INPP5A: variants seen among roughly 807,000 people sequenced by gnomAD.
INPP5A encodes the protein 43 kDa inositol polyphosphate 5-phophatase.
INPP5A carries 14 observed loss-of-function variants against 65.2 expected under a neutral mutation model. That is an observed-to-expected ratio of 0.21 (90% CI 0.14 to 0.34). INPP5A has a LOEUF of 0.34. INPP5A is among the 10% of genes least tolerant of loss of function. The pLI is 1.00. For missense variants in INPP5A, 431 were observed against 545.6 expected (o/e 0.79, Z 2.09); for synonymous variants, 207 against 208.3 (o/e 0.99, Z 0.05).
At chr10:132,712,395 ATG>A (rs1032022812) in intron 8 of INPP5A, among the ~76,000 whole-genome samples, 11 of 150,740 alleles carry the variant, frequency 7.3e-5, no homozygotes, top group Admixed American at 2.0e-4. Context: ...TTGTGTGTGC[ATG>A]TGTGGGTGCA....
At position 132,756,132 on chromosome 10, in the gene INPP5A, G is replaced by A. The variant is rs542001672; in HGVS notation, c.903+6287G>A. Among the ~76,000 whole-genome samples the A allele has an allele frequency of 1.6e-4, 25 of 152,296 alleles. No homozygotes were observed. In the South Asian group the frequency reaches 4.1e-3, roughly 25 times the overall value. On this transcript the variant is annotated intron_variant, in intron 11 of 15. Transcript: ENST00000368594. ...GAATCCGCCTGGCCTGGAATTCCTC[G>A]GCCCGGTCAGGAATTGAAGAGAAAA... is the stretch of plus-strand genomic sequence containing the variant.
intron 4 of INPP5A, 61 bp from the exon 5 acceptor site, chr10:132,690,331 A>G: frequency 9.2e-7 from 1 of 1,082,316 alleles, no homozygotes; most frequent in Non-Finnish European, 1.4e-6. Context: ...ATTGTTAAAA[A>G]TGATCTTTAG....
At position 132,666,593 on chromosome 10, in the gene INPP5A, C is replaced by T. The variant is rs538805142; in HGVS notation, c.306+16088C>T. Among the ~76,000 whole-genome samples, 13 of 152,348 alleles carry T rather than the reference C, an allele frequency of 8.5e-5. No homozygotes were observed. The South Asian group carries it at 2.3e-3, about 27-fold the overall frequency. ...CGACTTTGCAGTGGGGCTCTCTTTC[C>T]TTCTGGAGTGCAGCAGCATCTGGAA... is the stretch of plus-strand genomic sequence containing the variant. On this transcript the variant is annotated intron_variant, in intron 4 of 15. Transcript: ENST00000368594.
In INPP5A at chr10:132,707,059, C is replaced by A. The variant is rs970836782; in HGVS notation, c.475-1254C>A. ...AGGGAGAGCCTCTGATCACTGCGCT[C>A]TCCGTGTTAGATAGAGGGAGCACGC... On this transcript the variant is annotated intron_variant, in intron 6 of 15. Transcript: ENST00000368594. The surrounding 1 kb of genome is among the most constrained non-coding windows in gnomAD (Gnocchi z 5.5). Among the ~76,000 whole-genome samples, 2 of 152,226 alleles carry A rather than the reference C, an allele frequency of 1.3e-5. No homozygotes were observed. Among genetic ancestry groups the A allele is most frequent in the Non-Finnish European group, 2.9e-5 (2 of 68,030 alleles).
intron 1 of INPP5A, among the ~76,000 whole-genome samples, chr10:132,548,333 C>T (rs866461703): frequency 6.6e-6 from 1 of 152,002 alleles, no homozygotes; most frequent in Non-Finnish European, 1.5e-5. Context: ...GTCAGTGGGG[C>T]CAGGGGAAGG....
In INPP5A at chr10:132,644,603, G is replaced by T. The variant is rs958369578; in HGVS notation, c.118-1265G>T. On this transcript the variant is annotated intron_variant, in intron 2 of 15. Transcript: ENST00000368594. The surrounding 1 kb of genome is among the most constrained non-coding windows in gnomAD (Gnocchi z 6.5). ...GTCGTGAGCACCTCCAGGCTCCCAA[G>T]CCCAGCACAGACAGCACCGGCCCCT... 6.6e-6 allele frequency among the ~76,000 whole-genome samples: 1 copy of T among 152,216 alleles called. No individual in the cohort carries two copies. The highest frequency in any genetic ancestry group is 2.4e-5 in the African/African-American group (1 of 41,454).
chr10:132,718,383 TG>T (rs1324136541), intron 8 of INPP5A, among the ~76,000 whole-genome samples: 1 of 151,472 alleles, frequency 6.6e-6, no homozygotes, highest in African/African-American at 2.4e-5. Flanking sequence ...GCCTGGGTTC[TG>T]TCTGGGCGCC....
At chr10:132,728,826 G>C (rs907813100) in intron 9 of INPP5A, among the ~76,000 whole-genome samples, 3 of 152,168 alleles carry the variant, frequency 2.0e-5, no homozygotes, top group Non-Finnish European at 4.4e-5. Context: ...GAGCAGCCGC[G>C]GGAGCCTCCC....
chr10:132,643,656 G>A (rs1044819165), intron 2 of INPP5A, among the ~76,000 whole-genome samples: 2 of 152,222 alleles, frequency 1.3e-5, no homozygotes, highest in East Asian at 1.9e-4. Context: ...AAAAGCATCA[G>A]CCTGGCCCAG....
At chr10:132,648,255 C>T (rs534734895) in intron 3 of INPP5A, among the ~76,000 whole-genome samples, 43 of 152,390 alleles carry the variant, frequency 2.8e-4, no homozygotes, top group Admixed American at 1.4e-3. Flanking sequence ...CACCGCAGGC[C>T]GGACGGGAAC....
intron 3 of INPP5A, among the ~76,000 whole-genome samples, chr10:132,647,003 C>T (rs1378363128): frequency 6.6e-6 from 1 of 152,218 alleles, no homozygotes; most frequent in African/African-American, 2.4e-5. Context: ...CATAAGCCCT[C>T]CGTGTTGAAC....
chr10:132,716,961 G>A (rs1845750733), intron 8 of INPP5A, among the ~76,000 whole-genome samples: 2 of 152,210 alleles, frequency 1.3e-5, no homozygotes, highest in Admixed American at 1.3e-4. Context: ...TTTAAAAGGT[G>A]CCAGACACTG....
intron 1 of INPP5A, among the ~76,000 whole-genome samples, chr10:132,591,518 A>C (rs1353515770): frequency 6.6e-6 from 1 of 152,200 alleles, no homozygotes; most frequent in Non-Finnish European, 1.5e-5. Context: ...GGAATGTCTT[A>C]AAGTTTTTCT....
chr10:132,662,672 C>T (rs1344545557), intron 4 of INPP5A, among the ~76,000 whole-genome samples: 3 of 152,144 alleles, frequency 2.0e-5, no homozygotes, highest in Non-Finnish European at 2.9e-5. Context: ...CGGTAGATCC[C>T]CGCACCTTGG....
intron 4 of INPP5A, among the ~76,000 whole-genome samples, chr10:132,688,979 G>C (rs1447135543): frequency 1.3e-5 from 2 of 152,220 alleles, no homozygotes; most frequent in East Asian, 1.9e-4. Context: ...ATGAGTGTAT[G>C]TGTGCAAGTG....
At chr10:132,629,526 A>C (rs192952282) in intron 2 of INPP5A, among the ~76,000 whole-genome samples, 1 of 152,334 alleles carries the variant, frequency 6.6e-6, no homozygotes, top group African/African-American at 2.4e-5. Context: ...GGAGACCTGA[A>C]CAGAAGGTTC....
chr10:132,696,687 C>T (rs899470880), intron 5 of INPP5A, among the ~76,000 whole-genome samples: 46 of 152,298 alleles, frequency 3.0e-4, no homozygotes, highest in African/African-American at 1.0e-3. Flanking sequence ...CTCTATTTCA[C>T]GTTCTGTCCA....
rs376565993 is a variant in INPP5A, at chr10:132,617,895, G to A, written c.117+9939G>A. 5.0e-4 allele frequency among the ~76,000 whole-genome samples: 76 copies of A among 152,344 alleles called. No homozygotes were observed. In the South Asian group the frequency reaches 0.011, roughly 21 times the overall value. On this transcript the variant is annotated intron_variant, in intron 2 of 15. Coordinates refer to ENST00000368594, the MANE Select transcript of INPP5A (RefSeq NM_005539.5). ...ACAAGTGGGCAGCAGACACATGTGCGTACAGCTTACTCTCTCTGCCTTTTT... is the reference window on the plus strand; with the variant it reads ...ACAAGTGGGCAGCAGACACATGTGCATACAGCTTACTCTCTCTGCCTTTTT...
chr10:132,682,319 C>T (rs932799703), intron 4 of INPP5A, among the ~76,000 whole-genome samples: 3 of 152,148 alleles, frequency 2.0e-5, no homozygotes, highest in Admixed American at 6.5e-5. Flanking sequence ...GATGGTGTGA[C>T]GGGTGCAGAC....
Sources: gnomAD v4.1 joint callset for allele counts (sites outside exome capture counted in the v4.1 genomes callset) on GRCh38, gnomAD v4.1.1 for gene constraint, Gnocchi (gnomAD v3.1) non-coding constraint, MANE v1.5 for transcripts, NCBI Gene and HGNC (gene_info 2026-07-23, HGNC 2026-07-21) for gene names.